The following PCDHGB6 variants were observed in gnomAD, a reference collection of about 807,000 sequenced individuals.
PCDHGB6 encodes protocadherin gamma-B6.
In PCDHGB6, 51 loss-of-function variants were observed where a neutral mutation model predicts 59.1. That is an observed-to-expected ratio of 0.86 (90% CI 0.69 to 1.09). PCDHGB6 has a LOEUF of 1.09. Ranked by LOEUF, PCDHGB6 falls within the 50% of genes least tolerant of loss-of-function variation. The pLI, the probability that PCDHGB6 is intolerant of heterozygous loss-of-function variation, is 0.00. For synonymous variants in PCDHGB6, 466 were observed against 495.1 expected (o/e 0.94, Z 0.78); for missense variants, 1,148 against 1,205.1 (o/e 0.95, Z 0.70).
chr5:141,462,824 A>T (rs1561993844), intron 1 of PCDHGB6, among the ~76,000 whole-genome samples: 1 of 152,158 alleles, frequency 6.6e-6, no homozygotes, highest in Non-Finnish European at 1.5e-5. Flanking sequence ...TGGACAGCAG[A>T]CATTGTAAAT....
chr5:141,421,597 AT>A (rs2096587022), intron 1 of PCDHGB6: 1 of 1,613,878 alleles, frequency 6.2e-7, no homozygotes, highest in Non-Finnish European at 8.5e-7. Flanking sequence ...GGAGGTGGAA[AT>A]AATAGATATT....
rs1183407162 is a variant in PCDHGB6 at position 141,422,793 on chromosome 5, C to G, written c.2418+12173C>G. 3 of 1,614,110 alleles carry G rather than the reference C, an allele frequency of 1.9e-6. No individual in the cohort carries two copies. The South Asian group carries it at 3.3e-5, about 18-fold the overall frequency. On this transcript the variant is annotated intron_variant, in intron 1 of 3. Transcript: ENST00000520790. Reference sequence around the variant, plus strand: ...TTCTCTATGCCCTACAATCCTTCGACTATGAGCAGTTTCGAGACTTAGAAC... The same window carrying G: ...TTCTCTATGCCCTACAATCCTTCGAGTATGAGCAGTTTCGAGACTTAGAAC...
intron 2 of PCDHGB6, among the ~76,000 whole-genome samples, chr5:141,499,575 T>TCCCTA (rs2099792820): frequency 1.3e-5 from 2 of 152,202 alleles, no homozygotes; most frequent in Non-Finnish European, 2.9e-5. Context: ...CTTCAACTAA[T>TCCCTA]GCCTTATCTT....
rs1382764259 is a variant in PCDHGB6 at position 141,478,383 on chromosome 5, T to G, written c.2419-16424T>G. 2.5e-6 allele frequency: 4 copies of G among 1,613,630 alleles called. No individual in the cohort carries two copies. In the Admixed American group the frequency reaches 6.7e-5, roughly 27 times the overall value. Reference sequence around the variant, plus strand: ...CGGGGAGGCCTGATGTCGCCGCACCTTTACCATCAGGTGTATCTCACCACG... The same window carrying G: ...CGGGGAGGCCTGATGTCGCCGCACCGTTACCATCAGGTGTATCTCACCACG... On this transcript the variant is annotated intron_variant, in intron 1 of 3. Coordinates refer to ENST00000520790, the MANE Select transcript of PCDHGB6 (RefSeq NM_018926.3).
At chr5:141,448,223 T>C (rs1377619033) in intron 1 of PCDHGB6, among the ~76,000 whole-genome samples, 1 of 152,204 alleles carries the variant, frequency 6.6e-6, no homozygotes, top group Non-Finnish European at 1.5e-5. Context: ...TGCGAATGTA[T>C]GTGTGGGGTT....
chr5:141,432,964 G>A lies in PCDHGB6; in HGVS notation c.2418+22344G>A, dbSNP rs2097554835. On this transcript the variant is annotated intron_variant, in intron 1 of 3. Transcript: ENST00000520790. This position sits in a 1 kb window ranked among gnomAD's most constrained non-coding sequence, Gnocchi z 6.0. Reference sequence around the variant, plus strand: ...CTTCAGGAGGCGGCTTGACAGGAGCGCCGGCGTCGCACTTTGTGGGCGTGG... The same window carrying A: ...CTTCAGGAGGCGGCTTGACAGGAGCACCGGCGTCGCACTTTGTGGGCGTGG... The A allele has an allele frequency of 6.2e-7, 1 of 1,614,044 alleles. No homozygotes were observed. Among genetic ancestry groups the A allele is most frequent in the African/African-American group, 1.3e-5 (1 of 74,934 alleles).
intron 3 of PCDHGB6, among the ~76,000 whole-genome samples, chr5:141,508,533 C>A (rs1396219805): frequency 6.6e-6 from 1 of 152,160 alleles, no homozygotes; most frequent in Non-Finnish European, 1.5e-5. Flanking sequence ...CAGGGCACCC[C>A]CCACGAGGTG....
chr5:141,478,822 T>A, intron 1 of PCDHGB6: 2 of 1,444,070 alleles, frequency 1.4e-6, no homozygotes, highest in South Asian at 1.5e-5. Context: ...AACTAACCAA[T>A]CTTGCTAAGG....
At position 141,431,026 on chromosome 5, in the gene PCDHGB6, G is replaced by A; in HGVS notation, c.2418+20406G>A. On this transcript the variant is annotated intron_variant, in intron 1 of 3. Coordinates refer to ENST00000520790, the MANE Select transcript of PCDHGB6 (RefSeq NM_018926.3). This position sits in a 1 kb window ranked among gnomAD's most constrained non-coding sequence, Gnocchi z 4.8. Reference sequence around the variant, plus strand: ...GCGGCAGCTTGGTCACGGCGGGCAGGATAGACCGGGAGGAGCTCTGTATGG... The same window carrying A: ...GCGGCAGCTTGGTCACGGCGGGCAGAATAGACCGGGAGGAGCTCTGTATGG... The A allele has an allele frequency of 1.2e-6, 2 of 1,614,118 alleles. No homozygotes were observed. The highest frequency in any genetic ancestry group is 1.7e-6 in the Non-Finnish European group (2 of 1,179,960).
rs1279890312 is a variant in PCDHGB6, at chr5:141,432,403, G to C, written c.2418+21783G>C. On this transcript the variant is annotated intron_variant, in intron 1 of 3. Transcript: ENST00000520790. This position sits in a 1 kb window ranked among gnomAD's most constrained non-coding sequence, Gnocchi z 6.0. ...CGCCCCTCAGCAGCAACGTGTCGTT[G>C]AGCCTGTTCGTGCTGGACCAGAACG... 1.9e-6 allele frequency: 3 copies of C among 1,614,242 alleles called. No homozygotes were observed. Among genetic ancestry groups the C allele is most frequent in the Non-Finnish European group, 8.5e-7 (1 of 1,180,052 alleles).
At chr5:141,506,462 AAAAG>A (rs1396142744) in intron 3 of PCDHGB6, among the ~76,000 whole-genome samples, 1 of 151,856 alleles carries the variant, frequency 6.6e-6, no homozygotes, top group African/African-American at 2.4e-5. Flanking sequence ...AAAAAAAAAA[AAAAG>A]AGCACAGGCT....
intron 1 of PCDHGB6, chr5:141,427,703 C>T (rs529490424): frequency 1.0e-6 from 1 of 957,508 alleles, no homozygotes. Flanking sequence ...CACAAGTCAG[C>T]GCCTCTGACC....
At position 141,511,146 on chromosome 5, in the gene PCDHGB6, G is replaced by T; in HGVS notation, c.2766G>T (p.Lys922Asn). 1 of 1,614,208 alleles carries T rather than the reference G, an allele frequency of 6.2e-7. No individual in the cohort carries two copies. Among genetic ancestry groups the T allele is most frequent in the Non-Finnish European group, 8.5e-7 (1 of 1,180,018 alleles). The change falls in exon 4 of 4, where the codon AAG becomes AAT. Residue 922 changes from lysine to asparagine, a missense_variant. Lys to Asn is a moderately conservative substitution (Grantham distance 94). Coordinates refer to ENST00000520790, the MANE Select transcript of PCDHGB6 (RefSeq NM_018926.3). Reference protein sequence around the residue: ...KAPAGGNGNKKKSGKKEKK With the variant: ...KAPAGGNGNKNKSGKKEKK The stretch of plus-strand genomic sequence containing the variant: ...CAGCAGGTGGCAATGGCAACAAGAA[G>T]AAGTCGGGCAAGAAGGAGAAGAAGT...
chr5:141,489,208 C>A lies in PCDHGB6; in HGVS notation c.2419-5599C>A. On this transcript the variant is annotated intron_variant, in intron 1 of 3. Coordinates refer to ENST00000520790, the MANE Select transcript of PCDHGB6 (RefSeq NM_018926.3). The surrounding 1 kb of genome is among the most constrained non-coding windows in gnomAD (Gnocchi z 4.5). The stretch of plus-strand genomic sequence containing the variant: ...GGTCTACCTTGGAGACAGGACAGCA[C>A]AGACTTACTCTCCACAAAGGGACTT... 1 of 1,451,152 alleles carries A rather than the reference C, an allele frequency of 6.9e-7. No individual in the cohort carries two copies. The highest frequency in any genetic ancestry group is 9.3e-7 in the Non-Finnish European group (1 of 1,072,112). 89.9% of individuals were successfully genotyped at this position (1,451,152 alleles called of 1,614,324 possible).
intron 1 of PCDHGB6, among the ~76,000 whole-genome samples, chr5:141,456,135 G>A (rs1422353665): frequency 6.6e-6 from 1 of 152,052 alleles, no homozygotes; most frequent in Non-Finnish European, 1.5e-5. Context: ...CTGACCTCCT[G>A]ATCCGCCCGC....
chr5:141,450,119 G>A (rs765403319), intron 1 of PCDHGB6, among the ~76,000 whole-genome samples: 2 of 148,920 alleles, frequency 1.3e-5, no homozygotes, highest in Non-Finnish European at 3.0e-5. Context: ...TGATTCTCCT[G>A]CCTTAGCCTC....
chr5:141,474,516 T>G (rs999585038), intron 1 of PCDHGB6, among the ~76,000 whole-genome samples: 1 of 152,240 alleles, frequency 6.6e-6, no homozygotes, highest in Non-Finnish European at 1.5e-5. Context: ...GCCCTCTTGC[T>G]GGTCTGGCTA....
intron 1 of PCDHGB6, among the ~76,000 whole-genome samples, chr5:141,454,918 C>T (rs1474616925): frequency 6.7e-6 from 1 of 149,344 alleles, no homozygotes; most frequent in Non-Finnish European, 1.5e-5. Context: ...CGCCATTCTC[C>T]TGCCTCAGCC....
chr5:141,469,853 G>A (rs549678022), intron 1 of PCDHGB6, among the ~76,000 whole-genome samples: 5 of 152,270 alleles, frequency 3.3e-5, no homozygotes, highest in South Asian at 2.1e-4. Context: ...GATTCAGACC[G>A]GGTGCAATGG....
Sources: allele counts gnomAD v4.1 joint callset (sites outside exome capture counted in the v4.1 genomes callset), GRCh38; gene constraint gnomAD v4.1.1; non-coding constraint Gnocchi (gnomAD v3.1); transcripts MANE v1.5; gene names NCBI Gene and HGNC (gene_info 2026-07-23, HGNC 2026-07-21).